NUP155: variants seen among roughly 807,000 people sequenced by gnomAD.
The protein encoded by NUP155 is nuclear pore complex protein Nup155.
A neutral mutation model predicts 180.4 loss-of-function variants in NUP155; 71 were observed. The observed-to-expected ratio is 0.39, with a 90% CI of 0.33 to 0.48. The LOEUF (loss-of-function observed/expected upper bound fraction) is 0.48, where lower values mean the gene tolerates loss of function less well. Ranked by LOEUF, NUP155 falls within the 20% of genes least tolerant of loss-of-function variation. The pLI is 0.91. For missense variants in NUP155, 1,553 were observed against 1,648.9 expected, an observed-to-expected ratio of 0.94 and a Z score of 1.01; for synonymous variants, 582 against 559.5, an observed-to-expected ratio of 1.04 and a Z score of -0.57.
chr5:37,316,430 G>T (rs1173611125), intron 21 of NUP155, among the ~76,000 whole-genome samples: 1 of 152,058 alleles, frequency 6.6e-6, no homozygotes, highest in East Asian at 1.9e-4. Context: ...GGAAAAAAAT[G>T]GGGGGTTATT....
intron 22 of NUP155, among the ~76,000 whole-genome samples, chr5:37,310,961 T>A (rs1743489936): frequency 6.6e-6 from 1 of 152,184 alleles, no homozygotes; most frequent in African/African-American, 2.4e-5. Context: ...AACTCTCACT[T>A]TCCAAATGAG....
At position 37,341,254 on chromosome 5, in the gene NUP155, G is replaced by GT; in HGVS notation, c.1094-13dup. ...ATATAACCTAACACCTGAAGATGGG[G>GT]TAAAATTATGCATCAGTAATAGAAA... On this transcript the variant is annotated splice_polypyrimidine_tract_variant and intron_variant, in intron 10 of 34. Transcript: ENST00000231498. 1.2e-6 allele frequency: 2 copies of GT among 1,611,690 alleles called. No homozygotes were observed. Among genetic ancestry groups the GT allele is most frequent in the Non-Finnish European group, 1.7e-6 (2 of 1,177,810 alleles).
intron 9 of NUP155, among the ~76,000 whole-genome samples, chr5:37,343,143 C>T (rs1275235154): frequency 2.0e-5 from 3 of 151,826 alleles, no homozygotes; most frequent in Non-Finnish European, 4.4e-5. Context: ...GGCGCCATCT[C>T]CACTCACTGC....
At chr5:37,335,648 T>C (rs980348624) in intron 12 of NUP155, among the ~76,000 whole-genome samples, 10 of 152,080 alleles carry the variant, frequency 6.6e-5, no homozygotes, top group African/African-American at 1.4e-4. Flanking sequence ...AACCATATAA[T>C]AACATTTAAA....
chr5:37,294,996 C>T (rs192271884), intron 32 of NUP155, among the ~76,000 whole-genome samples: 2 of 152,248 alleles, frequency 1.3e-5, no homozygotes, highest in African/African-American at 4.8e-5. Flanking sequence ...GAGGACTTCA[C>T]TGATAATTTT....
intron 22 of NUP155, among the ~76,000 whole-genome samples, chr5:37,310,947 C>T (rs921822741): frequency 7.2e-5 from 11 of 152,028 alleles, no homozygotes; most frequent in African/African-American, 2.7e-4. Flanking sequence ...TAGATCTAGT[C>T]CAAAACTCTC....
intron 28 of NUP155, 99 bp from the exon 29 acceptor site, chr5:37,303,007 A>T: frequency 7.5e-7 from 1 of 1,327,156 alleles, no homozygotes; most frequent in Non-Finnish European, 1.1e-6. Context: ...AAACACACAT[A>T]AAAAGCCATC....
At chr5:37,347,859 G>T (rs1319013267) in intron 9 of NUP155, among the ~76,000 whole-genome samples, 1 of 152,208 alleles carries the variant, frequency 6.6e-6, no homozygotes, top group Non-Finnish European at 1.5e-5. Flanking sequence ...AAATTAGGCT[G>T]GGCATGGTGG....
chr5:37,319,307 G>A (rs528875688), intron 20 of NUP155, among the ~76,000 whole-genome samples: 50 of 152,322 alleles, frequency 3.3e-4, no homozygotes, highest in Non-Finnish European at 6.6e-4. Flanking sequence ...AAAAGTCACT[G>A]AACTGAACAT....
intron 20 of NUP155, among the ~76,000 whole-genome samples, chr5:37,323,704 TAGTC>T (rs1744399630): frequency 1.3e-5 from 2 of 150,654 alleles, no homozygotes; most frequent in Middle Eastern, 3.5e-3. Flanking sequence ...TTTATATAAA[TAGTC>T]AGAAAAGGCA....
chr5:37,348,149 T>C (rs1032696391), intron 9 of NUP155, among the ~76,000 whole-genome samples: 13 of 150,892 alleles, frequency 8.6e-5, no homozygotes, highest in Admixed American at 7.3e-4. Flanking sequence ...AAAATATATA[T>C]AAAAATTAGC....
intron 15 of NUP155, among the ~76,000 whole-genome samples, chr5:37,329,728 T>C (rs527716318): frequency 6.2e-4 from 95 of 152,312 alleles, no homozygotes; most frequent in Non-Finnish European, 1.3e-3. Flanking sequence ...TTAAGCAGAA[T>C]TGGCATAGTG....
chr5:37,366,614 G>C (rs1023229360), intron 1 of NUP155, among the ~76,000 whole-genome samples: 3 of 149,410 alleles, frequency 2.0e-5, no homozygotes, highest in Non-Finnish European at 3.0e-5. Flanking sequence ...AATTTTTGTA[G>C]TTTTAATAGA....
intron 11 of NUP155, among the ~76,000 whole-genome samples, chr5:37,338,671 C>T (rs962736791): frequency 1.3e-5 from 2 of 152,112 alleles, no homozygotes; most frequent in African/African-American, 4.8e-5. Context: ...TCCCAAAGTA[C>T]TGGAATTACA....
intron 29 of NUP155, among the ~76,000 whole-genome samples, chr5:37,302,433 G>A (rs1367292184): frequency 3.9e-5 from 6 of 152,016 alleles, no homozygotes; most frequent in Admixed American, 2.6e-4. Flanking sequence ...ACAAGGTTTC[G>A]CCATATTGGC....
chr5:37,352,666 G>T, intron 5 of NUP155, 71 bp downstream of exon 5: 1 of 945,282 alleles, frequency 1.1e-6, no homozygotes, highest in Non-Finnish European at 1.7e-6. Context: ...ACCCAGATTA[G>T]CTTTTAACTG....
chr5:37,355,569 A>ATTTG (rs142869702), intron 4 of NUP155, among the ~76,000 whole-genome samples: 12,937 of 105,782 alleles, frequency 0.12, 1,044 homozygotes, highest in African/African-American at 0.32. Flanking sequence ...ATATTTATTT[A>ATTTG]TTTGTTTGTT....
intron 13 of NUP155, 58 bp downstream of exon 13, chr5:37,333,405 G>T: frequency 6.9e-7 from 1 of 1,458,736 alleles, no homozygotes; most frequent in South Asian, 1.1e-5. Context: ...CAGAGAACTT[G>T]ACAAAAATAT....
chr5:37,342,687 T>C (rs1352071306), intron 9 of NUP155, 41 bp from the exon 10 acceptor site: 24 of 1,208,054 alleles, frequency 2.0e-5, no homozygotes, highest in Non-Finnish European at 2.7e-5. Flanking sequence ...TTAAAATGTG[T>C]CTGCTAAATT....
Sources: allele counts gnomAD v4.1 joint callset (sites outside exome capture counted in the v4.1 genomes callset), GRCh38; gene constraint gnomAD v4.1.1; transcripts MANE v1.5; gene names NCBI Gene and HGNC (gene_info 2026-07-23, HGNC 2026-07-21).